The following KIAA1614 variants were observed in gnomAD, a reference collection of about 807,000 sequenced individuals.
KIAA1614 encodes the protein uncharacterized protein KIAA1614.
In KIAA1614, 76 loss-of-function variants were observed where a neutral mutation model predicts 88.7. The observed-to-expected ratio is 0.86, with a 90% confidence interval of 0.71 to 1.04. The LOEUF is 1.04. Ranked by LOEUF, KIAA1614 falls within the 50% of genes least tolerant of loss-of-function variation. The pLI is 0.00. For synonymous variants in KIAA1614, 714 were observed against 675.5 expected, an observed-to-expected ratio of 1.06 and a Z score of -0.88; for missense variants, 1,553 against 1,582.5, an observed-to-expected ratio of 0.98 and a Z score of 0.32.
chr1:180,944,439 T>C lies in KIAA1614; in HGVS notation c.3210T>C (p.His1070=). Residue 1070 remains histidine (H), a synonymous_variant, in exon 8 of 9, where the codon CAT becomes CAC. Transcript: ENST00000367588. ...RRKAASFQNL[H]SLLSSKGNRS... Reference sequence around the variant, plus strand: ...AAGCTGCCTCTTTTCAGAACCTCCATTCTCTGCTGAGCAGCAAGGGGAACC... The same window carrying C: ...AAGCTGCCTCTTTTCAGAACCTCCACTCTCTGCTGAGCAGCAAGGGGAACC... 2 of 1,613,878 alleles carry C rather than the reference T, an allele frequency of 1.2e-6. No individual in the cohort carries two copies. Among genetic ancestry groups the C allele is most frequent in the Non-Finnish European group, 1.7e-6 (2 of 1,179,810 alleles).
chr1:180,932,778 CACT>C (rs543874504), intron 4 of KIAA1614, among the ~76,000 whole-genome samples: 1 of 946 alleles, frequency 1.1e-3, no homozygotes, highest in Non-Finnish European at 0.011. Flanking sequence ...AGTGTAGCAG[CACT>C]CAGTATGGAG....
intron 3 of KIAA1614, among the ~76,000 whole-genome samples, chr1:180,925,224 G>A (rs1654042200): frequency 6.6e-6 from 1 of 152,208 alleles, no homozygotes; most frequent in Non-Finnish European, 1.5e-5. Flanking sequence ...TGCCCTCATG[G>A]AGCACATGAC....
rs763918736 is a variant in KIAA1614 at position 180,916,771 on chromosome 1, G to T, written c.668G>T (p.Gly223Val). 7.7e-5 allele frequency: 125 copies of T among 1,614,118 alleles called. No homozygotes were observed. The highest frequency in any genetic ancestry group is 9.1e-5 in the Non-Finnish European group (107 of 1,180,048). Residue 223 changes from glycine (G) to valine (V), a missense_variant, in exon 2 of 9, where the codon GGT becomes GTT. Gly to Val is a moderately radical substitution (Grantham distance 109). Coordinates refer to ENST00000367588, the MANE Select transcript of KIAA1614 (RefSeq NM_020950.2). Reference protein sequence around the residue: ...IHGVTPGRPGGPGHCNKIIHI... With the variant: ...IHGVTPGRPGVPGHCNKIIHI... ...GGAGTTACTCCCGGACGGCCTGGGG[G>T]TCCTGGTCATTGTAACAAAATCATC... is the stretch of plus-strand genomic sequence containing the variant.
intron 4 of KIAA1614, among the ~76,000 whole-genome samples, chr1:180,928,825 C>G (rs966457231): frequency 2.0e-5 from 3 of 152,122 alleles, no homozygotes; most frequent in Admixed American, 2.0e-4. Context: ...ATGGAGGTCA[C>G]AGTCTCCAGG....
chr1:180,946,192 G>C lies in KIAA1614; in HGVS notation c.*604G>C, dbSNP rs1654590299. The C allele has an allele frequency of 6.6e-6, 1 of 152,202 alleles. No individual in the cohort carries two copies. Among genetic ancestry groups the C allele is most frequent in the Non-Finnish European group, 1.5e-5 (1 of 68,042 alleles). The allele number at this position is 152,202 out of a possible 1,614,324, so 9.4% of individuals were successfully genotyped here. Reference sequence around the variant, plus strand: ...CAGAGGGAAACTGTCTGTGCCTGCTGGTTCTCAGCAGTCCCTTTGATGTGG... The same window carrying C: ...CAGAGGGAAACTGTCTGTGCCTGCTCGTTCTCAGCAGTCCCTTTGATGTGG... On this transcript the variant is annotated 3_prime_UTR_variant, in exon 9 of 9. Transcript: ENST00000367588.
rs369116547 is a variant in KIAA1614, at chr1:180,916,587, G to T, written c.484G>T (p.Ala162Ser). ...CGGCAGCATCAATGAGGAGCAACCC[G>T]CCAGGGATGGAGGCCCCAGGCTTCC... ...LDGSINEEQP[A>S]RDGGPRLPRP... Residue 162 changes from alanine (A) to serine (S), a missense_variant, in exon 2 of 9, where the codon GCC becomes TCC. Physicochemically the swap from Ala to Ser is moderately conservative, Grantham distance 99 (BLOSUM62 1). Transcript: ENST00000367588. The T allele has an allele frequency of 7.8e-5, 126 of 1,606,598 alleles. 2 individuals are homozygous for T. The Middle Eastern group carries it at 1.3e-3, about 17-fold the overall frequency.
intron 4 of KIAA1614, among the ~76,000 whole-genome samples, chr1:180,931,403 A>C (rs568166893): frequency 6.6e-6 from 1 of 152,184 alleles, no homozygotes; most frequent in Admixed American, 6.5e-5. Context: ...GGTCCCTGTG[A>C]AGCCATATGT....
At chr1:180,934,390 A>G (rs1489869334) in intron 4 of KIAA1614, among the ~76,000 whole-genome samples, 1 of 151,940 alleles carries the variant, frequency 6.6e-6, no homozygotes, top group Non-Finnish European at 1.5e-5. Flanking sequence ...GGAGTTTGAG[A>G]CCAGCCTGGC....
rs772678071 is a variant in KIAA1614, at chr1:180,945,532, A to C, written c.3517A>C (p.Ser1173Arg). 1.2e-6 allele frequency: 2 copies of C among 1,613,826 alleles called. No homozygotes were observed. Among genetic ancestry groups the C allele is most frequent in the South Asian group, 2.2e-5 (2 of 91,076 alleles). Reference protein sequence around the residue: ...LPQPHGWGGLSKQGRAFWLWS... With the variant: ...LPQPHGWGGLRKQGRAFWLWS... Reference sequence around the variant, plus strand: ...TCAGCCCCATGGCTGGGGCGGCCTTAGCAAACAAGGCAGGGCCTTCTGGCT... The same window carrying C: ...TCAGCCCCATGGCTGGGGCGGCCTTCGCAAACAAGGCAGGGCCTTCTGGCT... Residue 1173 changes from serine (S) to arginine (R), a missense_variant, in exon 9 of 9, where the codon AGC becomes CGC. Transcript: ENST00000367588.
chr1:180,939,134 G>A (rs938625308), intron 6 of KIAA1614, among the ~76,000 whole-genome samples: 4 of 152,174 alleles, frequency 2.6e-5, no homozygotes, highest in Non-Finnish European at 5.9e-5. Context: ...GGGAGTGGGG[G>A]AAGGGTGGGG....
chr1:180,929,112 G>A (rs1654137922), intron 4 of KIAA1614, among the ~76,000 whole-genome samples: 1 of 152,230 alleles, frequency 6.6e-6, no homozygotes, highest in Non-Finnish European at 1.5e-5. Context: ...TTAGCTGGGT[G>A]CCTCTGCAGA....
chr1:180,935,106 C>A lies in KIAA1614; in HGVS notation c.1206-9C>A. 7.1e-7 allele frequency: 1 copy of A among 1,418,342 alleles called. No individual in the cohort carries two copies. Among genetic ancestry groups the A allele is most frequent in the Non-Finnish European group, 9.2e-7 (1 of 1,085,102 alleles). The allele number at this position is 1,418,342 out of a possible 1,614,324, so 87.9% of individuals were successfully genotyped here. ...GCCCTTGACCTCTCTCCTCCTGTCTCTTCATCAGAGATGGCCACAGAAGCC... is the reference window on the plus strand; with the variant it reads ...GCCCTTGACCTCTCTCCTCCTGTCTATTCATCAGAGATGGCCACAGAAGCC... On this transcript the variant is annotated splice_polypyrimidine_tract_variant and intron_variant, in intron 4 of 8. Transcript: ENST00000367588. The surrounding 1 kb of genome is among the most constrained non-coding windows in gnomAD (Gnocchi z 6.1).
At chr1:180,945,139 T>G in intron 8 of KIAA1614, 164 bp from the exon 9 acceptor site, 1 of 753,414 alleles carries the variant, frequency 1.3e-6, no homozygotes, top group Non-Finnish European at 2.0e-6. Flanking sequence ...AACCCACCAG[T>G]TTTGGCCCTA....
At chr1:180,941,654 C>T (rs1179745053) in intron 7 of KIAA1614, among the ~76,000 whole-genome samples, 1 of 152,230 alleles carries the variant, frequency 6.6e-6, no homozygotes, top group Non-Finnish European at 1.5e-5. Flanking sequence ...CACGTGGATT[C>T]CCTCAGCAGT....
intron 1 of KIAA1614, among the ~76,000 whole-genome samples, chr1:180,914,289 T>TGAAG (rs1396398838): frequency 1.3e-5 from 2 of 152,344 alleles, no homozygotes; most frequent in East Asian, 3.9e-4. Context: ...CTTCATTCCT[T>TGAAG]GTGAAGGGAT....
In KIAA1614 at chr1:180,949,879, C is replaced by G. The variant is rs999175570; in HGVS notation, c.*4291C>G. On this transcript the variant is annotated 3_prime_UTR_variant, in exon 9 of 9. Transcript: ENST00000367588. ...TTCCGATGATACCTTCCCACCACCC[C>G]GGCCTTTACGCTGGGCCTGGGTGAC... 5 of 152,258 alleles carry G rather than the reference C, an allele frequency of 3.3e-5. No individual in the cohort carries two copies. Among genetic ancestry groups the G allele is most frequent in the Admixed American group, 6.5e-5 (1 of 15,280 alleles). 9.4% of individuals were successfully genotyped at this position (152,258 alleles called of 1,614,324 possible).
intron 3 of KIAA1614, chr1:180,928,041 C>A (rs1035578831): frequency 3.0e-4 from 50 of 169,354 alleles, no homozygotes; most frequent in African/African-American, 1.2e-3. Context: ...GGCACAGGCC[C>A]AGCCCAACAA....
chr1:180,919,858 G>C (rs1653915699), intron 3 of KIAA1614, among the ~76,000 whole-genome samples: 1 of 152,148 alleles, frequency 6.6e-6, no homozygotes. Context: ...GCATCCATGG[G>C]CTGCATTTCA....
intron 4 of KIAA1614, among the ~76,000 whole-genome samples, chr1:180,929,340 T>A (rs1395909028): frequency 6.6e-6 from 1 of 151,994 alleles, no homozygotes; most frequent in Non-Finnish European, 1.5e-5. Context: ...GAGCCCAGGG[T>A]TCTGACTCGG....
Sources: gnomAD v4.1 joint callset for allele counts (sites outside exome capture counted in the v4.1 genomes callset) on GRCh38, gnomAD v4.1.1 for gene constraint, Gnocchi (gnomAD v3.1) non-coding constraint, MANE v1.5 for transcripts, NCBI Gene and HGNC (gene_info 2026-07-23, HGNC 2026-07-21) for gene names.